The following CFAP74 variants were observed in gnomAD, a reference collection of about 807,000 sequenced individuals.
CFAP74 encodes the protein cilia- and flagella-associated protein 74.
Under a neutral mutation model 188.9 loss-of-function variants are expected in CFAP74, and 124 were observed. The observed-to-expected ratio is 0.66, with a 90% CI of 0.57 to 0.76. CFAP74 has a LOEUF of 0.76. Ranked by LOEUF, CFAP74 falls within the 30% of genes least tolerant of loss-of-function variation. CFAP74 has a pLI of 0.00. For missense variants in CFAP74, 2,198 were observed against 2,165.2 expected (o/e 1.02, Z -0.30); for synonymous variants, 956 against 916.7 (o/e 1.04, Z -0.77).
At chr1:1,964,574 G>A (rs1444358000) in intron 13 of CFAP74, among the ~76,000 whole-genome samples, 8 of 152,266 alleles carry the variant, frequency 5.3e-5, no homozygotes, top group Non-Finnish European at 1.0e-4. Context: ...CAGATCGCCT[G>A]AGGTCAGGAG....
rs76796294 is a variant in CFAP74 at position 1,959,266 on chromosome 1, T to G, written c.1762-57A>C. The G allele has an allele frequency of 1.5e-3, 1,715 of 1,130,566 alleles. 4 individuals are homozygous for G. The highest frequency in any genetic ancestry group is 7.5e-3 in the Middle Eastern group (36 of 4,798). 70.0% of individuals were successfully genotyped at this position (1,130,566 alleles called of 1,614,324 possible). Reference sequence around the variant, plus strand: ...ACTTCTGCAACTTTTGTGTGTTTTGTTTTTTTTTTGGACAGGGTCTGGCTC... The same window carrying G: ...ACTTCTGCAACTTTTGTGTGTTTTGGTTTTTTTTTGGACAGGGTCTGGCTC... On this transcript the variant is annotated intron_variant, in intron 15 of 38. Coordinates refer to ENST00000682832, the MANE Select transcript of CFAP74 (RefSeq NM_001304360.2).
At position 1,970,817 on chromosome 1, in the gene CFAP74, C is replaced by G. The variant is rs749031526; in HGVS notation, c.889-1G>C. 11 of 1,613,800 alleles carry G rather than the reference C, an allele frequency of 6.8e-6. No individual in the cohort carries two copies. Among genetic ancestry groups the G allele is most frequent in the Non-Finnish European group, 8.5e-7 (1 of 1,179,910 alleles). On this transcript the variant is annotated splice_acceptor_variant, in intron 9 of 38. Transcript: ENST00000682832. LOFTEE classifies it high-confidence loss of function. ...ATGCTTGGAACTTCCGCAGTGTGTC[C>G]TTGGAAACAGAGAGCACTGAGATGA...
chr1:1,977,320 A>G (rs916193631), intron 6 of CFAP74, among the ~76,000 whole-genome samples: 1 of 152,268 alleles, frequency 6.6e-6, no homozygotes, highest in African/African-American at 2.4e-5. Flanking sequence ...AGGACATTTG[A>G]GGGTATCTGC....
Position 1,936,529 on chromosome 1 carries a change from C to T in CFAP74, c.3011+2326G>A, listed in dbSNP as rs140944806. On this transcript the variant is annotated intron_variant, in intron 25 of 38. Coordinates refer to ENST00000682832, the MANE Select transcript of CFAP74 (RefSeq NM_001304360.2). ...ACTGCACTCCAGCCTGGCGAGAGAG[C>T]GAGAGTCCATCTCAAGAAAAATAAC... Among the ~76,000 whole-genome samples, 673 of 150,790 alleles carry T rather than the reference C, an allele frequency of 4.5e-3. 5 individuals carry two copies. Among genetic ancestry groups the T allele is most frequent in the Middle Eastern group, 0.021 (6 of 284 alleles).
chr1:1,962,544 A>T (rs956638689), intron 14 of CFAP74, among the ~76,000 whole-genome samples: 1 of 151,860 alleles, frequency 6.6e-6, no homozygotes, highest in Non-Finnish European at 1.5e-5. Flanking sequence ...GAAAACATGG[A>T]AAAGGCCGTC....
At chr1:1,937,841 A>C (rs1278255202) in intron 25 of CFAP74, among the ~76,000 whole-genome samples, 6 of 151,522 alleles carry the variant, frequency 4.0e-5, no homozygotes, top group Non-Finnish European at 8.8e-5. Context: ...GGGATTTACA[A>C]CACCAGGTCC....
intron 14 of CFAP74, among the ~76,000 whole-genome samples, chr1:1,962,740 C>G (rs571717154): frequency 5.5e-4 from 83 of 152,052 alleles, no homozygotes; most frequent in African/African-American, 1.9e-3. Context: ...GAAAAATTAG[C>G]CGGGCTTGGT....
chr1:1,924,625 G>C (rs1328400060), intron 33 of CFAP74, 105 bp from the exon 34 acceptor site: 21 of 1,325,162 alleles, frequency 1.6e-5, no homozygotes. Context: ...CCACACCCAA[G>C]TGGGGACCCG....
Position 1,968,879 on chromosome 1 carries a change from C to T in CFAP74, c.1047-46G>A. On this transcript the variant is annotated intron_variant, in intron 10 of 38. Coordinates refer to ENST00000682832, the MANE Select transcript of CFAP74 (RefSeq NM_001304360.2). This position sits in a 1 kb window ranked among gnomAD's most constrained non-coding sequence, Gnocchi z 4.3. ...GATGAGTGCAAGAGGTCCCCTGCCTCCACCTTGCCCCAGATGAGACAGTGC... is the reference window on the plus strand; with the variant it reads ...GATGAGTGCAAGAGGTCCCCTGCCTTCACCTTGCCCCAGATGAGACAGTGC... The T allele has an allele frequency of 6.3e-7, 1 of 1,585,572 alleles. No homozygotes were observed.
At chr1:1,965,683 T>C (rs1655420510) in intron 12 of CFAP74, among the ~76,000 whole-genome samples, 1 of 152,194 alleles carries the variant, frequency 6.6e-6, no homozygotes, top group Admixed American at 6.5e-5. Flanking sequence ...CACCCTCCTC[T>C]TGTCCAGAGG....
chr1:1,986,480 C>T (rs1245303295), intron 5 of CFAP74, among the ~76,000 whole-genome samples: 1 of 152,184 alleles, frequency 6.6e-6, no homozygotes, highest in African/African-American at 2.4e-5. Flanking sequence ...CTCGGCAGGC[C>T]CTGCAGGCAC....
At chr1:1,969,567 G>T (rs544522121) in intron 10 of CFAP74, among the ~76,000 whole-genome samples, 4 of 152,150 alleles carry the variant, frequency 2.6e-5, no homozygotes, top group African/African-American at 9.7e-5. Context: ...CTAGGCTGGC[G>T]TGGGGCTGCC....
In CFAP74 at chr1:1,942,031, G is replaced by A. The variant is rs1300383193; in HGVS notation, c.2612C>T (p.Pro871Leu). Residue 871 changes from proline to leucine, a missense_variant, in exon 22 of 39, where the codon CCG becomes CTG. Pro to Leu is a moderately conservative substitution (Grantham distance 98). Transcript: ENST00000682832. The surrounding 1 kb of genome is among the most constrained non-coding windows in gnomAD (Gnocchi z 4.3). Reference protein sequence around the residue: ...SSYSVQLKFLPRHSLPEDAGR... With the variant: ...SSYSVQLKFLLRHSLPEDAGR... ...GCCTTGGCGTCCTGGCACCTACCGC[G>A]GCAGGAACTTGAGCTGCACGGAGTA... 8 of 1,499,644 alleles carry A rather than the reference G, an allele frequency of 5.3e-6. No homozygotes were observed. Among genetic ancestry groups the A allele is most frequent in the Admixed American group, 4.5e-5 (2 of 44,234 alleles). 92.9% of individuals were successfully genotyped at this position (1,499,644 alleles called of 1,614,324 possible).
intron 12 of CFAP74, among the ~76,000 whole-genome samples, chr1:1,965,341 G>A (rs1478815494): frequency 6.6e-6 from 1 of 152,250 alleles, no homozygotes; most frequent in Non-Finnish European, 1.5e-5. Context: ...GACAGCTCCA[G>A]ATTCAGGTGG....
chr1:1,995,833 G>A (rs572927422), intron 1 of CFAP74, among the ~76,000 whole-genome samples: 31 of 151,624 alleles, frequency 2.0e-4, no homozygotes, highest in Non-Finnish European at 3.8e-4. Flanking sequence ...GCATGAACCC[G>A]GGAGGCGGAA....
intron 18 of CFAP74, chr1:1,954,740 A>G (rs549538709): frequency 6.8e-4 from 669 of 990,952 alleles, no homozygotes; most frequent in Non-Finnish European, 8.2e-4. Flanking sequence ...CTGTGACTGC[A>G]CCACTGCACT....
At chr1:1,988,818 A>ACCCCCCCC in intron 3 of CFAP74, 71 bp downstream of exon 3, 2 of 263,608 alleles carry the variant, frequency 7.6e-6, no homozygotes, top group Non-Finnish European at 1.4e-5. Context: ...CGCTCCCTTC[A>ACCCCCCCC]CCCACCCCCC....
intron 10 of CFAP74, among the ~76,000 whole-genome samples, 182 bp from the exon 11 acceptor site, chr1:1,969,015 A>G (rs6681749): frequency 0.61 from 92,112 of 151,618 alleles, 30,745 homozygotes; most frequent in African/African-American, 0.91. Flanking sequence ...ACTCCATCCT[A>G]CCCAGCAGGG....
At chr1:2,002,810 T>C (rs1221987156) in intron 1 of CFAP74, among the ~76,000 whole-genome samples, 1 of 150,378 alleles carries the variant, frequency 6.6e-6, no homozygotes, top group African/African-American at 2.4e-5. Context: ...CCACATATAT[T>C]CTTTAAAATT....
Sources: allele counts gnomAD v4.1 joint callset (sites outside exome capture counted in the v4.1 genomes callset), GRCh38; gene constraint gnomAD v4.1.1; non-coding constraint Gnocchi (gnomAD v3.1); transcripts MANE v1.5; gene names NCBI Gene and HGNC (gene_info 2026-07-23, HGNC 2026-07-21).